The following NELL2 variants were observed in gnomAD, a reference collection of about 807,000 sequenced individuals.
NELL2 encodes the protein protein kinase C-binding protein NELL2.
NELL2 carries 41 observed loss-of-function variants against 109.6 expected under a neutral mutation model. The ratio of observed to expected loss-of-function variants is 0.37; its 90% CI spans 0.29 to 0.49. NELL2 has a LOEUF of 0.49. Among genes scored for constraint, NELL2 ranks in the 20% least tolerant of loss-of-function variants. NELL2 has a pLI of 0.98. For synonymous variants in NELL2, 355 were observed against 344.7 expected (o/e 1.03, Z -0.33); for missense variants, 900 against 1,008.3 (o/e 0.89, Z 1.45).
chr12:44,707,842 T>C (rs1389496019), intron 11 of NELL2, among the ~76,000 whole-genome samples: 1 of 152,170 alleles, frequency 6.6e-6, no homozygotes, highest in African/African-American at 2.4e-5. Flanking sequence ...ACATAGCACA[T>C]AGCCAGAATC....
intron 12 of NELL2, among the ~76,000 whole-genome samples, chr12:44,698,140 C>A (rs1200173569): frequency 6.6e-6 from 1 of 152,142 alleles, no homozygotes; most frequent in Non-Finnish European, 1.5e-5. Flanking sequence ...TAGGGTGTCA[C>A]CCTCCTCCAG....
chr12:44,909,158 T>C (rs1428886995), intron 1 of NELL2, among the ~76,000 whole-genome samples: 3 of 151,982 alleles, frequency 2.0e-5, no homozygotes, highest in African/African-American at 7.2e-5. Flanking sequence ...TTACTGATGA[T>C]ATGATTCTAT....
At position 44,736,494 on chromosome 12, in the gene NELL2, T is replaced by C. The variant is rs560978692; in HGVS notation, c.995-21753A>G. Among the ~76,000 whole-genome samples the C allele has an allele frequency of 3.2e-4, 49 of 152,052 alleles. No homozygotes were observed. In the South Asian group the frequency reaches 3.7e-3, roughly 12 times the overall value. ...AATAGTCGTCAATATAAAATATATG[T>C]ATAATTGACCTTGCTTAATCAAAAA... On this transcript the variant is annotated intron_variant, in intron 9 of 19. Transcript: ENST00000429094.
At chr12:44,837,851 T>C (rs1944102327) in intron 2 of NELL2, among the ~76,000 whole-genome samples, 1 of 152,214 alleles carries the variant, frequency 6.6e-6, no homozygotes, top group South Asian at 2.1e-4. Flanking sequence ...ATAGCTTTAA[T>C]TTCTACATTA....
intron 9 of NELL2, among the ~76,000 whole-genome samples, chr12:44,759,123 C>G (rs532387049): frequency 2.2e-4 from 34 of 152,264 alleles, no homozygotes; most frequent in African/African-American, 7.5e-4. Flanking sequence ...GTATGACTAC[C>G]CCATTTGAAA....
intron 12 of NELL2, among the ~76,000 whole-genome samples, chr12:44,677,153 C>A (rs187997085): frequency 1.5e-4 from 23 of 151,998 alleles, no homozygotes; most frequent in Admixed American, 1.4e-3. Flanking sequence ...AGACTATATG[C>A]GAAGAATGTT....
At chr12:44,620,288 C>T (rs1451429213) in intron 13 of NELL2, among the ~76,000 whole-genome samples, 1 of 151,970 alleles carries the variant, frequency 6.6e-6, no homozygotes, top group Non-Finnish European at 1.5e-5. Flanking sequence ...CATGGTAAAC[C>T]CGTGGGTCTA....
chr12:44,581,614 T>C (rs1436840311), intron 15 of NELL2, among the ~76,000 whole-genome samples: 1 of 151,132 alleles, frequency 6.6e-6, no homozygotes, highest in Non-Finnish European at 1.5e-5. Flanking sequence ...ACTACTTCTC[T>C]TTATATAGGT....
chr12:44,666,031 C>T (rs530444230), intron 12 of NELL2, among the ~76,000 whole-genome samples: 3 of 152,024 alleles, frequency 2.0e-5, no homozygotes, highest in South Asian at 2.1e-4. Flanking sequence ...ATAAAGTGTT[C>T]GATATAAACC....
intron 12 of NELL2, among the ~76,000 whole-genome samples, chr12:44,697,532 A>G (rs1395584376): frequency 6.6e-6 from 1 of 152,220 alleles, no homozygotes; most frequent in Non-Finnish European, 1.5e-5. Context: ...TCTCATCAAC[A>G]TTATAATGAA....
chr12:44,908,437 A>G (rs1398786809), intron 1 of NELL2, among the ~76,000 whole-genome samples: 3 of 152,006 alleles, frequency 2.0e-5, no homozygotes, highest in Admixed American at 2.0e-4. Flanking sequence ...AGTTTGTAAT[A>G]ACAGAAGGAT....
At chr12:44,581,373 G>C (rs1396657294) in intron 15 of NELL2, among the ~76,000 whole-genome samples, 1 of 151,978 alleles carries the variant, frequency 6.6e-6, no homozygotes, top group Admixed American at 6.6e-5. Context: ...ACTAATGAAG[G>C]GTTATAACTC....
At chr12:44,798,822 T>C (rs1942722951) in intron 3 of NELL2, among the ~76,000 whole-genome samples, 1 of 151,602 alleles carries the variant, frequency 6.6e-6, no homozygotes, top group Non-Finnish European at 1.5e-5. Context: ...TTCACACAAA[T>C]AGGGTCGCCT....
chr12:44,645,521 C>A (rs1432991153), intron 13 of NELL2, among the ~76,000 whole-genome samples: 1 of 152,074 alleles, frequency 6.6e-6, no homozygotes, highest in Admixed American at 6.5e-5. Context: ...ATGGTGTTAG[C>A]AAATGGGTGG....
rs138162892 is a variant in NELL2, at chr12:44,553,903, G to A, written c.1664-21182C>T. The stretch of plus-strand genomic sequence containing the variant: ...CATGCACACACACGCACACATCTGT[G>A]CATTTAAGCTACTTGCACATGCTAG... On this transcript the variant is annotated intron_variant, in intron 15 of 19. Transcript: ENST00000429094. Among the ~76,000 whole-genome samples, 70 of 152,162 alleles carry A rather than the reference G, an allele frequency of 4.6e-4. 1 individual carries two copies. In the East Asian group the frequency reaches 0.013, roughly 29 times the overall value.
intron 15 of NELL2, among the ~76,000 whole-genome samples, chr12:44,598,881 A>ACTCT (rs1410240351): frequency 2.0e-5 from 3 of 148,522 alleles, no homozygotes; most frequent in East Asian, 3.9e-4. Flanking sequence ...ACACACACAC[A>ACTCT]CACTCTCTCT....
chr12:44,571,904 CTCAGGGTATGTAGATT>C (rs561325997), intron 15 of NELL2, among the ~76,000 whole-genome samples: 45 of 152,174 alleles, frequency 3.0e-4, no homozygotes, highest in South Asian at 1.9e-3. Context: ...GAATTTTATA[CTCAGGGTATGTAGATT>C]ACAGCCACCC....
intron 12 of NELL2, among the ~76,000 whole-genome samples, chr12:44,687,722 G>T (rs370864916): frequency 2.0e-5 from 3 of 152,286 alleles, no homozygotes. Context: ...TAGAAGAAAA[G>T]ATAAAGTTGG....
intron 18 of NELL2, 87 bp downstream of exon 18, chr12:44,521,913 G>C: frequency 7.5e-7 from 1 of 1,330,624 alleles, no homozygotes; most frequent in Non-Finnish European, 1.1e-6. Flanking sequence ...CCTGGTGCTA[G>C]GTATTGGCAG....
Sources: allele counts gnomAD v4.1 joint callset (sites outside exome capture counted in the v4.1 genomes callset), GRCh38; gene constraint gnomAD v4.1.1; transcripts MANE v1.5; gene names NCBI Gene and HGNC (gene_info 2026-07-23, HGNC 2026-07-21).